Variants in TMOD1 observed in about 807,000 individuals in gnomAD.
The protein encoded by TMOD1 is tropomodulin-1.
TMOD1 carries 17 observed loss-of-function variants against 40.6 expected under a neutral mutation model. The ratio of observed to expected loss-of-function variants is 0.42; its 90% CI spans 0.29 to 0.63. The LOEUF (loss-of-function observed/expected upper bound fraction) is 0.63, where lower values mean the gene tolerates loss of function less well. TMOD1 is among the 20% of genes least tolerant of loss of function. The pLI is 0.22. For synonymous variants in TMOD1, 181 were observed against 175.0 expected, an observed-to-expected ratio of 1.03 and a Z score of -0.27; for missense variants, 391 against 447.6, an observed-to-expected ratio of 0.87 and a Z score of 1.14.
chr9:97,504,575 A>T (rs1829560426), intron 1 of TMOD1, among the ~76,000 whole-genome samples: 1 of 152,074 alleles, frequency 6.6e-6, no homozygotes, highest in East Asian at 1.9e-4. Context: ...AATGTCACAG[A>T]CTCTGCAGGT....
At chr9:97,591,234 T>C in intron 8 of TMOD1, 57 bp from the exon 9 acceptor site, 2 of 1,526,020 alleles carry the variant, frequency 1.3e-6, no homozygotes, top group South Asian at 2.5e-5. Context: ...TTAGGCACTG[T>C]ACACATGGAA....
chr9:97,510,383 A>G (rs1041247503), intron 1 of TMOD1, among the ~76,000 whole-genome samples: 3 of 152,066 alleles, frequency 2.0e-5, no homozygotes, highest in African/African-American at 4.8e-5. Flanking sequence ...GGTGCCCACC[A>G]CCACGCCTGG....
intron 2 of TMOD1, among the ~76,000 whole-genome samples, chr9:97,536,715 C>T (rs1047058648): frequency 6.6e-6 from 1 of 152,134 alleles, no homozygotes; most frequent in Admixed American, 6.5e-5. Flanking sequence ...AGTGAGGCCC[C>T]TCCCTTCCCC....
At chr9:97,595,588 T>C (rs1826094258) in intron 9 of TMOD1, among the ~76,000 whole-genome samples, 2 of 151,124 alleles carry the variant, frequency 1.3e-5, no homozygotes, top group South Asian at 4.2e-4. Flanking sequence ...ATTGTGCATA[T>C]ATCCCCCAGT....
chr9:97,564,235 C>G, intron 6 of TMOD1, 67 bp downstream of exon 6: 1 of 1,533,794 alleles, frequency 6.5e-7, no homozygotes, highest in Non-Finnish European at 8.8e-7. Context: ...CACCCAAATG[C>G]AAACGGTCCA....
rs1826220543 is a variant in TMOD1 at position 97,600,150 on chromosome 9, ATTCTTTATTAACCCTCC to A, written c.*455_*471del. 1.0e-6 allele frequency: 1 copy of A among 1,001,432 alleles called. No homozygotes were observed. The highest frequency in any genetic ancestry group is 1.7e-5 in the African/African-American group (1 of 57,750). The allele number at this position is 1,001,432 out of a possible 1,614,324, so 62.0% of individuals were successfully genotyped here. On this transcript the variant is annotated 3_prime_UTR_variant, in exon 10 of 10. Transcript: ENST00000259365. ...CTATTAGCAAATAAAACTGATTATCATTCTTTATTAACCCTCCTTGGAATTTTGAAAACCTCGATTAA... is the reference window on the plus strand; with the variant it reads ...CTATTAGCAAATAAAACTGATTATCATTGGAATTTTGAAAACCTCGATTAA...
chr9:97,531,029 C>CCA (rs1830091737), intron 2 of TMOD1, among the ~76,000 whole-genome samples: 2 of 91,366 alleles, frequency 2.2e-5, no homozygotes, highest in Non-Finnish European at 4.3e-5. Flanking sequence ...CTTAGGTGAT[C>CCA]CACACCCACC....
In TMOD1 at chr9:97,563,211, G is replaced by A. The variant is rs57666011; in HGVS notation, c.487+390G>A. On this transcript the variant is annotated intron_variant, in intron 5 of 9. Transcript: ENST00000259365. ...TGAGGCTACAGGTGTATGCCAGCAT[G>A]CCTGGCTAATTTTGTTTATTTTGTA... 9.6e-3 allele frequency among the ~76,000 whole-genome samples: 1,463 copies of A among 152,212 alleles called. 22 individuals are homozygous for A. The highest frequency in any genetic ancestry group is 0.034 in the African/African-American group (1,406 of 41,536).
chr9:97,590,462 G>A (rs1218931547), intron 8 of TMOD1, among the ~76,000 whole-genome samples: 2 of 151,998 alleles, frequency 1.3e-5, no homozygotes, highest in Non-Finnish European at 2.9e-5. Context: ...CTTAGCTCAG[G>A]CAGACTGCCC....
At chr9:97,594,124 T>C (rs1826056502) in intron 9 of TMOD1, among the ~76,000 whole-genome samples, 1 of 152,112 alleles carries the variant, frequency 6.6e-6, no homozygotes, top group Non-Finnish European at 1.5e-5. Flanking sequence ...TGGACGGTGA[T>C]GCCAGGTGAT....
intron 1 of TMOD1, among the ~76,000 whole-genome samples, chr9:97,521,028 G>A (rs569602390): frequency 6.6e-6 from 1 of 152,310 alleles, no homozygotes; most frequent in African/African-American, 2.4e-5. Context: ...GCTGGAAGAG[G>A]TAACAAGTAT....
chr9:97,533,467 A>G (rs912895050), intron 2 of TMOD1, among the ~76,000 whole-genome samples: 1 of 152,228 alleles, frequency 6.6e-6, no homozygotes, highest in African/African-American at 2.4e-5. Flanking sequence ...TTTCTCCAGG[A>G]GACACTGTTC....
In TMOD1 at chr9:97,502,480, C is replaced by G. The variant is rs1396649241; in HGVS notation, c.-49+677C>G. On this transcript the variant is annotated intron_variant, in intron 1 of 9. Transcript: ENST00000259365. The surrounding 1 kb of genome is among the most constrained non-coding windows in gnomAD (Gnocchi z 6.1). Reference sequence around the variant, plus strand: ...GCTCTCGGCATGGCCTTGGCAATCCCCCTCTTGTTTCTGGATCTCAGTCTC... The same window carrying G: ...GCTCTCGGCATGGCCTTGGCAATCCGCCTCTTGTTTCTGGATCTCAGTCTC... 6.6e-6 allele frequency among the ~76,000 whole-genome samples: 1 copy of G among 152,216 alleles called. No individual in the cohort carries two copies. The highest frequency in any genetic ancestry group is 2.1e-4 in the South Asian group (1 of 4,836).
Position 97,564,097 on chromosome 9 carries a change from G to A in TMOD1, c.547G>A (p.Val183Ile), listed in dbSNP as rs892684111. Reference protein sequence around the residue: ...VPDEEPNSTDVEETLERIKNN... With the variant: ...VPDEEPNSTDIEETLERIKNN... ...CGACGAAGAACCAAATTCAACAGAC[G>A]TAGAGGAAACGCTGGAACGGATAAA... Residue 183 changes from valine (V) to isoleucine (I), a missense_variant, in exon 6 of 10, where the codon GTA (valine) becomes ATA (isoleucine). Coordinates refer to ENST00000259365, the MANE Select transcript of TMOD1 (RefSeq NM_003275.4). The A allele has an allele frequency of 2.5e-6, 4 of 1,614,172 alleles. No homozygotes were observed. Among genetic ancestry groups the A allele is most frequent in the Non-Finnish European group, 2.5e-6 (3 of 1,180,020 alleles).
chr9:97,562,126 GA>G (rs1389690883), intron 4 of TMOD1, among the ~76,000 whole-genome samples: 13 of 152,184 alleles, frequency 8.5e-5, no homozygotes, highest in African/African-American at 3.1e-4. Context: ...ATGGATGAAA[GA>G]ATGGCTGAGC....
intron 2 of TMOD1, among the ~76,000 whole-genome samples, chr9:97,531,034 C>CCG (rs1183019058): frequency 2.6e-5 from 2 of 76,420 alleles, no homozygotes; most frequent in Non-Finnish European, 5.3e-5. Flanking sequence ...GTGATCCACA[C>CCG]CCACCCCCCC....
intron 2 of TMOD1, among the ~76,000 whole-genome samples, chr9:97,530,723 T>G (rs1564233879): frequency 1.3e-5 from 2 of 150,112 alleles, no homozygotes; most frequent in Non-Finnish European, 1.5e-5. Context: ...TCTCCTGACC[T>G]CATGATCCAC....
In TMOD1 at chr9:97,601,561, C is replaced by G. The variant is rs561607179; in HGVS notation, c.*1863C>G. 387 of 988,378 alleles carry G rather than the reference C, an allele frequency of 3.9e-4. No homozygotes were observed. The highest frequency in any genetic ancestry group is 4.4e-4 in the Non-Finnish European group (365 of 831,884). 61.2% of individuals were successfully genotyped at this position (988,378 alleles called of 1,614,324 possible). ...GCCACATCTTTAAGGCCACCTCTGC[C>G]TCTATCAGATGAGCTGCTGGTCTAG... On this transcript the variant is annotated 3_prime_UTR_variant, in exon 10 of 10. Transcript: ENST00000259365.
rs1180814081 is a variant in TMOD1, at chr9:97,571,054, C to T, written c.870+2017C>T. On this transcript the variant is annotated intron_variant, in intron 8 of 9. Transcript: ENST00000259365. Reference sequence around the variant, plus strand: ...TCCCTTAGCCATTGCTGACTGTGCTCCACTGGAGGCAAGAGGGGCAGAGCA... The same window carrying T: ...TCCCTTAGCCATTGCTGACTGTGCTTCACTGGAGGCAAGAGGGGCAGAGCA... 2.6e-5 allele frequency among the ~76,000 whole-genome samples: 4 copies of T among 152,192 alleles called. No individual in the cohort carries two copies. In the East Asian group the frequency reaches 7.7e-4, roughly 29 times the overall value.
Sources: allele counts gnomAD v4.1 joint callset (sites outside exome capture counted in the v4.1 genomes callset), GRCh38; gene constraint gnomAD v4.1.1; non-coding constraint Gnocchi (gnomAD v3.1); transcripts MANE v1.5; gene names NCBI Gene and HGNC (gene_info 2026-07-23, HGNC 2026-07-21).